Variants in CDH22 observed in about 807,000 individuals in gnomAD.
CDH22 encodes cadherin 22, also known as cadherin-22.
CDH22 carries 30 observed loss-of-function variants against 58.4 expected under a neutral mutation model. The observed-to-expected ratio is 0.51, with a 90% confidence interval of 0.38 to 0.70. The LOEUF (loss-of-function observed/expected upper bound fraction) is 0.70. CDH22 is among the 30% of genes least tolerant of loss of function. The pLI is 0.00. For missense variants in CDH22, 1,014 were observed against 1,233.9 expected (o/e 0.82, Z 2.67); for synonymous variants, 513 against 558.2 (o/e 0.92, Z 1.14).
At chr20:46,264,088 C>T (rs1173667055) in intron 1 of CDH22, among the ~76,000 whole-genome samples, 3 of 152,238 alleles carry the variant, frequency 2.0e-5, no homozygotes, top group Admixed American at 6.5e-5. Context: ...AGTGACTCCC[C>T]GGATTTTATT....
chr20:46,293,964 G>A (rs959115981), intron 1 of CDH22, among the ~76,000 whole-genome samples: 17 of 152,266 alleles, frequency 1.1e-4, no homozygotes, highest in African/African-American at 3.6e-4. Flanking sequence ...GCAGTGAGCC[G>A]AGACTGCACC....
intron 10 of CDH22, among the ~76,000 whole-genome samples, chr20:46,180,975 G>A (rs1299224363): frequency 6.8e-6 from 1 of 147,536 alleles, no homozygotes; most frequent in Non-Finnish European, 1.5e-5. Flanking sequence ...TACAGATGAG[G>A]TCTCATTGTA....
intron 1 of CDH22, among the ~76,000 whole-genome samples, chr20:46,256,010 C>T (rs944784878): frequency 5.3e-5 from 8 of 152,216 alleles, no homozygotes; most frequent in Non-Finnish European, 1.5e-5. Flanking sequence ...TCAGCCTCAC[C>T]TCCTATAATC....
chr20:46,246,228 C>A (rs892245927), intron 2 of CDH22, among the ~76,000 whole-genome samples: 1 of 152,172 alleles, frequency 6.6e-6, no homozygotes, highest in Non-Finnish European at 1.5e-5. Context: ...GAAAGCAAAT[C>A]AAATAAAAAG....
intron 8 of CDH22, among the ~76,000 whole-genome samples, chr20:46,197,527 C>T (rs376580763): frequency 2.0e-5 from 3 of 152,012 alleles, no homozygotes; most frequent in African/African-American, 4.8e-5. Flanking sequence ...GGCGGAGGGG[C>T]GTGTATCTGT....
rs111748427 is a variant in CDH22 at position 46,187,017 on chromosome 20, T to C, written c.1424-70A>G. The C allele has an allele frequency of 3.0e-5, 45 of 1,478,632 alleles. No homozygotes were observed. In the African/African-American group the frequency reaches 5.6e-4, roughly 18 times the overall value. The allele number at this position is 1,478,632 out of a possible 1,614,324, so 91.6% of individuals were successfully genotyped here. A position where few individuals can be genotyped will look rare whatever the true frequency, so the allele number is the denominator to read the frequency against. On this transcript the variant is annotated intron_variant, in intron 8 of 11. Transcript: ENST00000537909. ...GATCTAGATAGCCTCCTCTCTACTA[T>C]GAGGACAATAGTAGGCAGTGGGGTC...
At chr20:46,263,404 T>TTC (rs1555806364) in intron 1 of CDH22, among the ~76,000 whole-genome samples, 5 of 50,832 alleles carry the variant, frequency 9.8e-5, no homozygotes, top group South Asian at 1.1e-3. Flanking sequence ...TGGCCTTCCA[T>TTC]TCTGTGTGTG....
At chr20:46,261,815 A>G (rs768653679) in intron 1 of CDH22, among the ~76,000 whole-genome samples, 11 of 152,128 alleles carry the variant, frequency 7.2e-5, no homozygotes, top group Non-Finnish European at 1.5e-4. Flanking sequence ...TGCAGGAGCT[A>G]TTGAGGCATG....
intron 8 of CDH22, among the ~76,000 whole-genome samples, chr20:46,194,111 A>G (rs2085881163): frequency 6.6e-6 from 1 of 152,150 alleles, no homozygotes; most frequent in South Asian, 2.1e-4. Flanking sequence ...CTCCTCAGGA[A>G]TCGCCGCGAC....
intron 1 of CDH22, among the ~76,000 whole-genome samples, chr20:46,264,602 G>A (rs2145751201): frequency 6.6e-6 from 1 of 152,242 alleles, no homozygotes. Flanking sequence ...CAGCTAGTTA[G>A]TGGAGGATCT....
At chr20:46,188,454 T>C (rs1009568590) in intron 8 of CDH22, among the ~76,000 whole-genome samples, 3 of 152,198 alleles carry the variant, frequency 2.0e-5, no homozygotes, top group African/African-American at 7.2e-5. Context: ...GAGTTATTTA[T>C]ATCCTACTGC....
At chr20:46,293,882 G>T (rs867211901) in intron 1 of CDH22, among the ~76,000 whole-genome samples, 1 of 152,108 alleles carries the variant, frequency 6.6e-6, no homozygotes, top group Admixed American at 6.6e-5. Flanking sequence ...AGCCATGGTG[G>T]CTCATGCCTG....
intron 1 of CDH22, among the ~76,000 whole-genome samples, chr20:46,257,789 C>T (rs1370368413): frequency 6.6e-6 from 1 of 152,112 alleles, no homozygotes; most frequent in East Asian, 1.9e-4. Context: ...TGGGTGAGAG[C>T]ACCAGGGAGT....
chr20:46,224,661 C>G (rs185983916), intron 4 of CDH22, among the ~76,000 whole-genome samples: 151 of 152,318 alleles, frequency 9.9e-4, no homozygotes, highest in African/African-American at 3.6e-3. Context: ...CCTCCTGTTT[C>G]TGTTGATGGT....
At chr20:46,218,438 T>A (rs916353423) in intron 4 of CDH22, among the ~76,000 whole-genome samples, 1 of 152,194 alleles carries the variant, frequency 6.6e-6, no homozygotes, top group African/African-American at 2.4e-5. Context: ...GCTTGGCTGG[T>A]GTGAACTGGA....
intron 4 of CDH22, among the ~76,000 whole-genome samples, chr20:46,223,673 CTTTCTTTCTT>C (rs1568664101): frequency 4.4e-5 from 3 of 68,876 alleles, no homozygotes. Context: ...TTCCTTCTTT[CTTTCTTTCTT>C]TCTTTCTTTC....
At chr20:46,304,964 G>C (rs2086667824) in intron 1 of CDH22, among the ~76,000 whole-genome samples, 1 of 152,196 alleles carries the variant, frequency 6.6e-6, no homozygotes, top group African/African-American at 2.4e-5. Context: ...GGAGAGTGGA[G>C]CTTAAAATAG....
chr20:46,296,402 G>A (rs2086629186), intron 1 of CDH22, among the ~76,000 whole-genome samples: 1 of 152,190 alleles, frequency 6.6e-6, no homozygotes, highest in African/African-American at 2.4e-5. Context: ...ACTTGCCCAA[G>A]GCCATCCAGC....
At chr20:46,262,742 C>T (rs567471791) in intron 1 of CDH22, among the ~76,000 whole-genome samples, 6 of 152,162 alleles carry the variant, frequency 3.9e-5, no homozygotes, top group Non-Finnish European at 4.4e-5. Context: ...CTGCCAGCTC[C>T]AAAGCCTGCA....
Sources: allele counts gnomAD v4.1 joint callset (sites outside exome capture counted in the v4.1 genomes callset), GRCh38; gene constraint gnomAD v4.1.1; transcripts MANE v1.5; gene names NCBI Gene and HGNC (gene_info 2026-07-23, HGNC 2026-07-21).